SOBP: variants seen among roughly 807,000 people sequenced by gnomAD.
The protein encoded by SOBP is sine oculis binding protein homolog.
A neutral mutation model predicts 53.6 loss-of-function variants in SOBP; 4 were observed. That is an observed-to-expected ratio of 0.07 (90% CI 0.04 to 0.17). The LOEUF is 0.17. SOBP is among the 10% of genes least tolerant of loss of function. SOBP has a pLI of 1.00. For synonymous variants in SOBP, 584 were observed against 522.6 expected (o/e 1.12, Z -1.60); for missense variants, 1,088 against 1,204.7 (o/e 0.90, Z 1.43).
At chr6:107,524,037 G>T (rs955528922) in intron 3 of SOBP, among the ~76,000 whole-genome samples, 1 of 152,228 alleles carries the variant, frequency 6.6e-6, no homozygotes, top group African/African-American at 2.4e-5. Context: ...TAAATATTGG[G>T]ACAGTCAGAT....
chr6:107,604,940 C>T, intron 5 of SOBP, among the ~76,000 whole-genome samples: 1 of 152,154 alleles, frequency 6.6e-6, no homozygotes, highest in Non-Finnish European at 1.5e-5. Flanking sequence ...TTAAATATGA[C>T]ATTTCAGTTC....
chr6:107,527,811 C>A (rs146230669), intron 3 of SOBP, among the ~76,000 whole-genome samples: 2 of 152,316 alleles, frequency 1.3e-5, no homozygotes, highest in African/African-American at 4.8e-5. Flanking sequence ...AAAAGTCACC[C>A]CCTTGAGATT....
intron 5 of SOBP, among the ~76,000 whole-genome samples, chr6:107,616,918 G>C (rs557662691): frequency 1.6e-4 from 25 of 152,304 alleles, no homozygotes; most frequent in African/African-American, 6.0e-4. Context: ...TCCAGGCATG[G>C]GGAGGGCCTC....
intron 4 of SOBP, among the ~76,000 whole-genome samples, chr6:107,545,522 C>T (rs1352193887): frequency 6.6e-6 from 1 of 152,052 alleles, no homozygotes; most frequent in Non-Finnish European, 1.5e-5. Flanking sequence ...AATTTTAGTA[C>T]CTAAAGTCAT....
At chr6:107,641,275 A>T (rs1034125088) in intron 6 of SOBP, among the ~76,000 whole-genome samples, 3 of 152,226 alleles carry the variant, frequency 2.0e-5, no homozygotes, top group Admixed American at 2.0e-4. Context: ...CCTCAATAAG[A>T]TTGCCTTAGT....
In SOBP at chr6:107,520,512, C is replaced by T. The variant is rs141010507; in HGVS notation, c.422-12947C>T. On this transcript the variant is annotated intron_variant, in intron 3 of 6. Coordinates refer to ENST00000317357, the MANE Select transcript of SOBP (RefSeq NM_018013.4). ...TCTAGATCACATACTTCTGTGATTCCGGAGGCAGCCCAGAACTTCTCTTGA... is the reference window on the plus strand; with the variant it reads ...TCTAGATCACATACTTCTGTGATTCTGGAGGCAGCCCAGAACTTCTCTTGA... Among the ~76,000 whole-genome samples the T allele has an allele frequency of 4.1e-3, 627 of 152,250 alleles. 6 individuals are homozygous for T. The highest frequency in any genetic ancestry group is 0.014 in the African/African-American group (579 of 41,542).
At chr6:107,640,382 A>T (rs1212933665) in intron 6 of SOBP, among the ~76,000 whole-genome samples, 1 of 152,238 alleles carries the variant, frequency 6.6e-6, no homozygotes, top group Non-Finnish European at 1.5e-5. Context: ...CCAGTACTTG[A>T]CTATTGGGAA....
In SOBP at chr6:107,624,253, C is replaced by A. The variant is rs57886044; in HGVS notation, c.670-9261C>A. Reference sequence around the variant, plus strand: ...TCCACTGGACTCTCTGCTAGTCAGGCTACTGCATTCCATTCTGGGCTCCAC... The same window carrying A: ...TCCACTGGACTCTCTGCTAGTCAGGATACTGCATTCCATTCTGGGCTCCAC... On this transcript the variant is annotated intron_variant, in intron 5 of 6. Coordinates refer to ENST00000317357, the MANE Select transcript of SOBP (RefSeq NM_018013.4). Among the ~76,000 whole-genome samples, 191 of 152,300 alleles carry A rather than the reference C, an allele frequency of 1.3e-3. 1 individual carries two copies. Among genetic ancestry groups the A allele is most frequent in the African/African-American group, 4.4e-3 (184 of 41,564 alleles).
chr6:107,534,060 C>T (rs941628898), intron 4 of SOBP, among the ~76,000 whole-genome samples: 3 of 152,152 alleles, frequency 2.0e-5, no homozygotes, highest in African/African-American at 7.2e-5. Context: ...AAATCTGGCC[C>T]ACGAGTTCTT....
chr6:107,522,436 A>T (rs945467270), intron 3 of SOBP, among the ~76,000 whole-genome samples: 4 of 152,176 alleles, frequency 2.6e-5, no homozygotes, highest in Non-Finnish European at 4.4e-5. Flanking sequence ...ATTGAGGGTA[A>T]CAAACTCCAT....
intron 4 of SOBP, among the ~76,000 whole-genome samples, chr6:107,548,252 C>CT (rs1300058979): frequency 6.7e-6 from 1 of 150,098 alleles, no homozygotes. Context: ...TTTCTGTTTT[C>CT]TTTTTGTTTT....
intron 3 of SOBP, among the ~76,000 whole-genome samples, chr6:107,513,505 G>A (rs985093315): frequency 6.6e-6 from 1 of 152,120 alleles, no homozygotes; most frequent in African/African-American, 2.4e-5. Flanking sequence ...TGAGAATGTG[G>A]TTTGCATTAT....
intron 4 of SOBP, among the ~76,000 whole-genome samples, chr6:107,535,895 G>A (rs1184316883): frequency 2.6e-5 from 4 of 152,108 alleles, no homozygotes; most frequent in East Asian, 3.9e-4. Context: ...TGGGTGTTCC[G>A]TACTGAAGAC....
intron 5 of SOBP, among the ~76,000 whole-genome samples, chr6:107,627,512 C>T (rs1351782153): frequency 6.6e-6 from 1 of 152,152 alleles, no homozygotes; most frequent in East Asian, 1.9e-4. Context: ...TCCTACAGGG[C>T]AGTTTTCTAA....
chr6:107,586,410 G>A (rs937162924), intron 4 of SOBP, among the ~76,000 whole-genome samples: 3 of 152,152 alleles, frequency 2.0e-5, no homozygotes, highest in South Asian at 2.1e-4. Flanking sequence ...GTATGCAAGC[G>A]GTATTGCTAA....
chr6:107,499,168 A>T (rs767715442), intron 1 of SOBP, among the ~76,000 whole-genome samples: 3 of 152,148 alleles, frequency 2.0e-5, no homozygotes, highest in Non-Finnish European at 2.9e-5. Context: ...TTGCGGATAC[A>T]TTGGGAAGTA....
At chr6:107,570,708 C>T (rs936060326) in intron 4 of SOBP, among the ~76,000 whole-genome samples, 12 of 152,220 alleles carry the variant, frequency 7.9e-5, no homozygotes, top group African/African-American at 2.9e-4. Context: ...CTTTTCCACC[C>T]ACGGGCCCTG....
At chr6:107,515,238 C>A (rs1205961213) in intron 3 of SOBP, among the ~76,000 whole-genome samples, 1 of 151,990 alleles carries the variant, frequency 6.6e-6, no homozygotes, top group African/African-American at 2.4e-5. Flanking sequence ...AAAGAATATT[C>A]CAGACCTAGA....
chr6:107,618,254 AAGTTAGGTGACCTTCCAGAAATCAT>A (rs1362613702), intron 5 of SOBP, among the ~76,000 whole-genome samples: 1 of 152,226 alleles, frequency 6.6e-6, no homozygotes, highest in East Asian at 1.9e-4. Flanking sequence ...CAATTCAGGA[AAGTTAGGTGACCTTCCAGAAATCAT>A]AGTATTAAGG....
Sources: allele counts gnomAD v4.1 joint callset (sites outside exome capture counted in the v4.1 genomes callset), GRCh38; gene constraint gnomAD v4.1.1; transcripts MANE v1.5; gene names NCBI Gene and HGNC (gene_info 2026-07-23, HGNC 2026-07-21).